Variants in PTPN23 observed in about 807,000 individuals in gnomAD.
PTPN23 encodes the protein protein tyrosine phosphatase non-receptor type 23.
Under a neutral mutation model 156.3 loss-of-function variants are expected in PTPN23, and 72 were observed. That is an observed-to-expected ratio of 0.46 (90% confidence interval 0.38 to 0.56). PTPN23 has a LOEUF of 0.56. PTPN23 is among the 20% of genes least tolerant of loss of function. The pLI, the probability that PTPN23 is intolerant of heterozygous loss-of-function variation, is 0.00. For missense variants in PTPN23, 1,974 were observed against 2,171.5 expected (o/e 0.91, Z 1.81); for synonymous variants, 957 against 899.6 (o/e 1.06, Z -1.14).
chr3:47,405,430 C>G lies in PTPN23; in HGVS notation c.365-319C>G. 3.7e-6 allele frequency: 2 copies of G among 536,200 alleles called. No homozygotes were observed. Among genetic ancestry groups the G allele is most frequent in the Non-Finnish European group, 6.7e-6 (2 of 298,496 alleles). 33.2% of individuals were successfully genotyped at this position (536,200 alleles called of 1,614,324 possible). On this transcript the variant is annotated intron_variant, in intron 4 of 24. Transcript: ENST00000265562. The surrounding 1 kb of genome is among the most constrained non-coding windows in gnomAD (Gnocchi z 4.7). ...AGAGTGTGGCTGGCCTCAGCTTACC[C>G]TGCTAGTCAGCCTTAGCCTGGCTCA...
chr3:47,411,989 G>T lies in PTPN23; in HGVS notation c.4073+22G>T. 1 of 1,606,888 alleles carries T rather than the reference G, an allele frequency of 6.2e-7. No individual in the cohort carries two copies. Among genetic ancestry groups the T allele is most frequent in the Non-Finnish European group, 8.5e-7 (1 of 1,175,970 alleles). On this transcript the variant is annotated intron_variant, in intron 21 of 24. Transcript: ENST00000265562. The surrounding 1 kb of genome is among the most constrained non-coding windows in gnomAD (Gnocchi z 6.3). ...AGTTGTGAGTCCACTGCTCTGGATG[G>T]TGGTTGGGGGTCTAAGTGCTGTCCA...
chr3:47,390,184 A>G (rs984325358), intron 1 of PTPN23, among the ~76,000 whole-genome samples: 8 of 151,890 alleles, frequency 5.3e-5, no homozygotes, highest in South Asian at 2.1e-4. Flanking sequence ...TCATTGAGCT[A>G]TGATAGTACC....
intron 14 of PTPN23, 104 bp downstream of exon 14, chr3:47,408,059 C>T: frequency 7.3e-7 from 1 of 1,376,276 alleles, no homozygotes; most frequent in Non-Finnish European, 1.0e-6. Flanking sequence ...ATGTCCATTC[C>T]AAACAGGTTT....
At chr3:47,381,574 C>T (rs527501645) in intron 1 of PTPN23, among the ~76,000 whole-genome samples, 1 of 152,324 alleles carries the variant, frequency 6.6e-6, no homozygotes, top group East Asian at 1.9e-4. Context: ...TTGCTGCGCC[C>T]GGCCCTCGGT....
In PTPN23 at chr3:47,412,710, A is replaced by T; in HGVS notation, c.4436A>T (p.His1479Leu). The T allele has an allele frequency of 6.3e-7, 1 of 1,596,640 alleles. No individual in the cohort carries two copies. Among genetic ancestry groups the T allele is most frequent in the Non-Finnish European group, 8.6e-7 (1 of 1,168,840 alleles). ...TCACTCACTCTGTCTTCTCAGAACCACCTTCCTCAGGACTCCCAGGACCTG... is the reference window on the plus strand; with the variant it reads ...TCACTCACTCTGTCTTCTCAGAACCTCCTTCCTCAGGACTCCCAGGACCTG... ...LASASISQKNHLPQDSQDLVL... is the reference protein window; with the variant it reads ...LASASISQKNLLPQDSQDLVL... The change falls in exon 25 of 25, where the codon CAC (histidine) becomes CTC (leucine). Residue 1479 changes from histidine (H) to leucine (L), a missense_variant. This residue lies in a region of PTPN23 where 484 missense variants were observed against 516.0 expected (regional missense o/e 0.94). Coordinates refer to ENST00000265562, the MANE Select transcript of PTPN23 (RefSeq NM_015466.4).
rs773794293 is a variant in PTPN23, at chr3:47,413,198, T to C, written c.*13T>C. 3 of 1,599,898 alleles carry C rather than the reference T, an allele frequency of 1.9e-6. No homozygotes were observed. The highest frequency in any genetic ancestry group is 1.3e-5 in the African/African-American group (1 of 74,640). On this transcript the variant is annotated 3_prime_UTR_variant, in exon 25 of 25. Transcript: ENST00000265562. ...CAACAAGACCTGAACAGGTTTTGCC[T>C]ACCTGGTCCTTACACTACATCATCA...
At chr3:47,404,418 T>C (rs1705071966) in intron 2 of PTPN23, among the ~76,000 whole-genome samples, 1 of 151,310 alleles carries the variant, frequency 6.6e-6, no homozygotes, top group Non-Finnish European at 1.5e-5. Context: ...TTTTTTTTTT[T>C]TTTTTTTAAA....
At chr3:47,409,141 C>A in intron 16 of PTPN23, 22 bp from the exon 17 acceptor site, 2 of 1,609,450 alleles carry the variant, frequency 1.2e-6, no homozygotes, top group Non-Finnish European at 1.7e-6. Flanking sequence ...TCTCTGGCCT[C>A]ACTGACCACT....
Position 47,406,317 on chromosome 3 carries a change from C to T in PTPN23, c.547-8C>T, listed in dbSNP as rs1410608395. The T allele has an allele frequency of 6.2e-6, 10 of 1,613,188 alleles. No individual in the cohort carries two copies. The highest frequency in any genetic ancestry group is 2.7e-5 in the African/African-American group (2 of 74,894). ...GAGCGAGGGAGTGCACCTCACGTGTCGCCCCAGGGCCAGGCTCAGGAGTGC... is the reference window on the plus strand; with the variant it reads ...GAGCGAGGGAGTGCACCTCACGTGTTGCCCCAGGGCCAGGCTCAGGAGTGC... On this transcript the variant is annotated splice_region_variant and splice_polypyrimidine_tract_variant and intron_variant, in intron 6 of 24. Coordinates refer to ENST00000265562, the MANE Select transcript of PTPN23 (RefSeq NM_015466.4). This position sits in a 1 kb window ranked among gnomAD's most constrained non-coding sequence, Gnocchi z 5.8.
chr3:47,411,742 T>A lies in PTPN23; in HGVS notation c.3889-41T>A, dbSNP rs1450818448. 6.3e-7 allele frequency: 1 copy of A among 1,591,972 alleles called. No homozygotes were observed. The highest frequency in any genetic ancestry group is 8.6e-7 in the Non-Finnish European group (1 of 1,165,342). The stretch of plus-strand genomic sequence containing the variant: ...CAGTGTGGGGTGGCAGGGCAGGGGA[T>A]CCTGGAAAACCAGGTCTGTCTTGGC... On this transcript the variant is annotated intron_variant, in intron 20 of 24. Coordinates refer to ENST00000265562, the MANE Select transcript of PTPN23 (RefSeq NM_015466.4). This position sits in a 1 kb window ranked among gnomAD's most constrained non-coding sequence, Gnocchi z 6.3.
chr3:47,381,302 G>A, intron 1 of PTPN23, 122 bp downstream of exon 1: 1 of 1,369,126 alleles, frequency 7.3e-7, no homozygotes, highest in Non-Finnish European at 1.0e-6. Context: ...GTGAGGCCAG[G>A]AGGGGCCTTC....
Position 47,412,949 on chromosome 3 carries a change from AAGG to A in PTPN23, c.4681_4683del (p.Glu1561del), listed in dbSNP as rs1705363085. The A allele has an allele frequency of 2.6e-6, 4 of 1,549,958 alleles. No individual in the cohort carries two copies. The highest frequency in any genetic ancestry group is 1.5e-5 in the African/African-American group (1 of 66,072). On this transcript the variant is annotated inframe_deletion, in exon 25 of 25. Coordinates refer to ENST00000265562, the MANE Select transcript of PTPN23 (RefSeq NM_015466.4). The stretch of plus-strand genomic sequence containing the variant: ...CCCACTACCTGAGGCTCCCCAGCCT[AAGG>A]AGGAGCCGCCAGTGCCTGAAGCCCC...
Position 47,407,984 on chromosome 3 carries a change from G to A in PTPN23, c.1184+29G>A. 6.2e-7 allele frequency: 1 copy of A among 1,609,012 alleles called. No individual in the cohort carries two copies. The highest frequency in any genetic ancestry group is 2.2e-5 in the East Asian group (1 of 44,676). On this transcript the variant is annotated intron_variant, in intron 14 of 24. Coordinates refer to ENST00000265562, the MANE Select transcript of PTPN23 (RefSeq NM_015466.4). This position sits in a 1 kb window ranked among gnomAD's most constrained non-coding sequence, Gnocchi z 4.0. ...AGTGTGGGACTTGGGCAGGGAGGCG[G>A]AGGCAGGCAGCACTTCCCGGGCCTC...
rs760010594 is a variant in PTPN23 at position 47,404,763 on chromosome 3, G to A, written c.271G>A (p.Ala91Thr). The change falls in exon 3 of 25, where the codon GCT becomes ACT. Residue 91 changes from alanine (A) to threonine (T), a missense_variant. Physicochemically the swap from Ala to Thr is moderately conservative, Grantham distance 58 (BLOSUM62 0). Around this residue, in one of 4 missense-constraint regions of PTPN23, gnomAD observed 726 missense variants for 929.5 expected, o/e 0.78. Transcript: ENST00000265562. Reference sequence around the variant, plus strand: ...CCCCATGGGCTCGGGCCAGGAGGCCGCTGTCCCTGTCACCTGGTGAGAGCC... The same window carrying A: ...CCCCATGGGCTCGGGCCAGGAGGCCACTGTCCCTGTCACCTGGTGAGAGCC... ...RVPMGSGQEA[A>T]VPVTWTEIFS... 6.8e-6 allele frequency: 11 copies of A among 1,613,656 alleles called. No individual in the cohort carries two copies. The highest frequency in any genetic ancestry group is 6.7e-5 in the Admixed American group (4 of 60,008).
intron 1 of PTPN23, among the ~76,000 whole-genome samples, chr3:47,391,832 C>G (rs1271378627): frequency 6.6e-6 from 1 of 152,144 alleles, no homozygotes; most frequent in Non-Finnish European, 1.5e-5. Flanking sequence ...ACAGAACATT[C>G]TCTCATATAG....
At position 47,411,382 on chromosome 3, in the gene PTPN23, G is replaced by T; in HGVS notation, c.3584G>T (p.Trp1195Leu). ...GATGTGGGAGCTCTGGACACTGTCTGGCGAGAGCTGCAAGATGCGCAGGAA... is the reference window on the plus strand; with the variant it reads ...GATGTGGGAGCTCTGGACACTGTCTTGCGAGAGCTGCAAGATGCGCAGGAA... ...LGDVGALDTV[W>L]RELQDAQEHD... The change falls in exon 20 of 25, where the codon TGG becomes TTG. Residue 1195 changes from tryptophan to leucine, a missense_variant. By Grantham distance (61) the Trp-to-Leu change is moderately conservative (BLOSUM62 -2). Transcript: ENST00000265562. This position sits in a 1 kb window ranked among gnomAD's most constrained non-coding sequence, Gnocchi z 6.3. 6.2e-7 allele frequency: 1 copy of T among 1,613,012 alleles called. No individual in the cohort carries two copies. Among genetic ancestry groups the T allele is most frequent in the South Asian group, 1.1e-5 (1 of 91,090 alleles).
rs2107725296 is a variant in PTPN23, at chr3:47,411,437, T to C, written c.3639T>C (p.Ile1213=). ...ATGCCCGAGGCCGTTCCATCGCCAT[T>C]GCCCGCTGCTACTCACTGAAGAACC... ...EHDARGRSIA[I]ARCYSLKNRH... Residue 1213 remains isoleucine, a synonymous_variant, in exon 20 of 25, where the codon ATT becomes ATC. Coordinates refer to ENST00000265562, the MANE Select transcript of PTPN23 (RefSeq NM_015466.4). The surrounding 1 kb of genome is among the most constrained non-coding windows in gnomAD (Gnocchi z 6.3). The C allele has an allele frequency of 6.2e-7, 1 of 1,613,116 alleles. No homozygotes were observed. The highest frequency in any genetic ancestry group is 8.5e-7 in the Non-Finnish European group (1 of 1,179,992).
At chr3:47,393,679 CT>C (rs1028775572) in intron 1 of PTPN23, among the ~76,000 whole-genome samples, 3 of 151,630 alleles carry the variant, frequency 2.0e-5, no homozygotes, top group Admixed American at 6.6e-5. Flanking sequence ...ATGACTTTTC[CT>C]TTTTTTTGCA....
intron 1 of PTPN23, among the ~76,000 whole-genome samples, chr3:47,395,362 T>G (rs894632869): frequency 1.3e-5 from 2 of 152,212 alleles, no homozygotes. Context: ...CCTCCCAGAT[T>G]GCTAGCCAAG....
Sources: gnomAD v4.1 joint callset for allele counts (sites outside exome capture counted in the v4.1 genomes callset) on GRCh38, gnomAD v4.1.1 for gene constraint, gnomAD v4.1.1 regional missense constraint, Gnocchi (gnomAD v3.1) non-coding constraint, MANE v1.5 for transcripts, NCBI Gene and HGNC (gene_info 2026-07-23, HGNC 2026-07-21) for gene names.